Variants in KIAA0586 observed in about 807,000 individuals in gnomAD.
The protein encoded by KIAA0586 is protein TALPID3.
In KIAA0586, 144 loss-of-function variants were observed where a neutral mutation model predicts 169.8. The ratio of observed to expected loss-of-function variants is 0.85; its 90% CI spans 0.74 to 0.97. The LOEUF (loss-of-function observed/expected upper bound fraction) is 0.97. Among genes scored for constraint, KIAA0586 ranks in the 50% least tolerant of loss-of-function variants. The pLI is 0.00. For synonymous variants in KIAA0586, 625 were observed against 612.4 expected (o/e 1.02, Z -0.30); for missense variants, 1,854 against 1,823.0 (o/e 1.02, Z -0.31).
At position 58,547,928 on chromosome 14, in the gene KIAA0586, T is replaced by G. The variant is rs763756293; in HGVS notation, c.4643T>G (p.Phe1548Cys). The G allele has an allele frequency of 6.2e-7, 1 of 1,613,320 alleles. No homozygotes were observed. The highest frequency in any genetic ancestry group is 8.5e-7 in the Non-Finnish European group (1 of 1,179,628). ...ATGGAGTCTTCGGGGGCAGATACCT[T>G]CTGAACGGGAAGAGACAGCCAGCAC... Reference protein sequence around the residue: ...EDMESSGADTF With the variant: ...EDMESSGADTC Residue 1548 changes from phenylalanine to cysteine, a missense_variant, in exon 31 of 31, where the codon TTC (phenylalanine) becomes TGC (cysteine). Transcript: ENST00000652326.
In KIAA0586 at chr14:58,467,630, G is replaced by T; in HGVS notation, c.2255-105G>T. Reference sequence around the variant, plus strand: ...GAGGGAGGGGTGATTGTCAGATAGGGCTTTTTTAAATATGAGAATATAGCC... The same window carrying T: ...GAGGGAGGGGTGATTGTCAGATAGGTCTTTTTTAAATATGAGAATATAGCC... On this transcript the variant is annotated intron_variant, in intron 15 of 30. Transcript: ENST00000652326. The T allele has an allele frequency of 5.0e-6, 4 of 802,412 alleles. No individual in the cohort carries two copies. The South Asian group carries it at 8.0e-5, about 16-fold the overall frequency. 49.7% of individuals were successfully genotyped at this position (802,412 alleles called of 1,614,324 possible).
chr14:58,487,846 GACT>G (rs1427905519), intron 22 of KIAA0586, 38 bp from the exon 23 acceptor site: 19 of 1,377,626 alleles, frequency 1.4e-5, no homozygotes, highest in Admixed American at 8.1e-5. Flanking sequence ...GTTCTTTACT[GACT>G]ACTATCTTTT....
intron 25 of KIAA0586, among the ~76,000 whole-genome samples, chr14:58,490,693 T>A (rs1260553352): frequency 6.6e-6 from 1 of 152,090 alleles, no homozygotes; most frequent in African/African-American, 2.4e-5. Flanking sequence ...CCCTTTCTAG[T>A]TTTTATCTAG....
intron 8 of KIAA0586, among the ~76,000 whole-genome samples, chr14:58,451,465 G>A (rs1044132840): frequency 1.1e-4 from 16 of 151,796 alleles, no homozygotes; most frequent in Non-Finnish European, 1.5e-4. Context: ...GGGCTCAAGC[G>A]ATCTGCCCGC....
intron 7 of KIAA0586, among the ~76,000 whole-genome samples, 176 bp downstream of exon 7, chr14:58,448,669 T>G (rs1443551056): frequency 6.6e-6 from 1 of 152,166 alleles, no homozygotes; most frequent in Non-Finnish European, 1.5e-5. Context: ...AAAATTGTGT[T>G]TCTCAGGCTA....
At chr14:58,484,282 T>A (rs1402194497) in intron 21 of KIAA0586, among the ~76,000 whole-genome samples, 2 of 152,216 alleles carry the variant, frequency 1.3e-5, no homozygotes, top group Non-Finnish European at 2.9e-5. Flanking sequence ...TCATTCTTTA[T>A]CTTCAGAAGT....
chr14:58,429,484 C>A, intron 2 of KIAA0586, 51 bp downstream of exon 2: 1 of 949,464 alleles, frequency 1.1e-6, no homozygotes, highest in South Asian at 1.3e-5. Context: ...TCAGTATTGT[C>A]AAATAATGCA....
In KIAA0586 at chr14:58,461,266, G is replaced by A. The variant is rs1743719; in HGVS notation, c.2059+106G>A. 1 allele frequency: 696,732 copies of A among 699,728 alleles called. 346,945 individuals are homozygous for A. The highest frequency in any genetic ancestry group is 1 in the East Asian group (31,008 of 31,008). The allele number at this position is 699,728 out of a possible 1,614,324, so 43.3% of individuals were successfully genotyped here. A position where few individuals can be genotyped will look rare whatever the true frequency, so the allele number is the denominator to read the frequency against. ...TTTATTGCTTATACGTGCCATTCAA[G>A]TTATATGATGCTTGGGGATGGAAAA... On this transcript the variant is annotated intron_variant, in intron 14 of 30. Coordinates refer to ENST00000652326, the MANE Select transcript of KIAA0586 (RefSeq NM_001329943.3).
chr14:58,489,883 T>A (rs1204998015), intron 24 of KIAA0586, among the ~76,000 whole-genome samples: 2 of 152,164 alleles, frequency 1.3e-5, no homozygotes, highest in African/African-American at 4.8e-5. Flanking sequence ...ATCAACAGTA[T>A]ATGAGAATAC....
intron 4 of KIAA0586, among the ~76,000 whole-genome samples, chr14:58,432,795 G>A (rs2037488035): frequency 6.6e-6 from 1 of 152,144 alleles, no homozygotes; most frequent in Admixed American, 6.6e-5. Flanking sequence ...TCGGCTCACT[G>A]CAACCTCTGC....
In KIAA0586 at chr14:58,442,830, G is replaced by A. The variant is rs750489101; in HGVS notation, c.535G>A (p.Val179Met). The change falls in exon 5 of 31, where the codon GTG becomes ATG. Residue 179 changes from valine (V) to methionine (M), a missense_variant. Transcript: ENST00000652326. Reference protein sequence around the residue: ...SPSGIDSATTVAAATAAAIAT... With the variant: ...SPSGIDSATTMAAATAAAIAT... Reference sequence around the variant, plus strand: ...CAGTGGAATTGATTCAGCTACAACCGTGGCTGCAGCAACTGCTGCTGCCAT... The same window carrying A: ...CAGTGGAATTGATTCAGCTACAACCATGGCTGCAGCAACTGCTGCTGCCAT... The A allele has an allele frequency of 5.0e-6, 8 of 1,610,544 alleles. No homozygotes were observed. Among genetic ancestry groups the A allele is most frequent in the South Asian group, 1.1e-5 (1 of 90,352 alleles).
rs549161789 is a variant in KIAA0586 at position 58,505,536 on chromosome 14, T to C, written c.4169-3019T>C. ...GTATCTTTAGTTTAGAAATAGATAA[T>C]GCCAAGTTGCTTTCTTGAAAGTTTA... On this transcript the variant is annotated intron_variant, in intron 27 of 30. Coordinates refer to ENST00000652326, the MANE Select transcript of KIAA0586 (RefSeq NM_001329943.3). 9.8e-5 allele frequency among the ~76,000 whole-genome samples: 15 copies of C among 152,342 alleles called. 1 individual carries two copies. In the South Asian group the frequency reaches 2.9e-3, roughly 29 times the overall value.
chr14:58,427,652 G>A (rs2036930238), upstream of KIAA0586: 9 of 1,535,654 alleles, frequency 5.9e-6, no homozygotes, highest in Admixed American at 3.9e-5. Flanking sequence ...GTTTCTTGGC[G>A]CGCATGCGTG....
the KIAA0586 span, among the ~76,000 whole-genome samples, chr14:58,559,053 G>A: frequency 1.3e-5 from 2 of 152,182 alleles, no homozygotes; most frequent in Non-Finnish European, 2.9e-5. Flanking sequence ...TATTCAAGTT[G>A]TTTACCAAGC....
chr14:58,526,469 G>A lies in KIAA0586; in HGVS notation c.4430-13602G>A, dbSNP rs527341759. Among the ~76,000 whole-genome samples the A allele has an allele frequency of 1.9e-4, 29 of 152,266 alleles. 2 individuals carry two copies. In the South Asian group the frequency reaches 4.3e-3, roughly 23 times the overall value. ...TCCAGCAGACCTGCAGCAGAGGGGC[G>A]TGAATGGTAGAAGGAAAACTAACAG... On this transcript the variant is annotated intron_variant, in intron 29 of 30. Transcript: ENST00000652326.
In KIAA0586 at chr14:58,448,493, G is replaced by A; in HGVS notation, c.961G>A (p.Ala321Thr). 6.3e-7 allele frequency: 1 copy of A among 1,597,538 alleles called. No individual in the cohort carries two copies. The highest frequency in any genetic ancestry group is 2.2e-5 in the East Asian group (1 of 44,562). Residue 321 changes from alanine (A) to threonine (T), a missense_variant and splice_region_variant, in exon 7 of 31, where the codon GCA becomes ACA. By Grantham distance (58) the Ala-to-Thr change is moderately conservative. Coordinates refer to ENST00000652326, the MANE Select transcript of KIAA0586 (RefSeq NM_001329943.3). ...ATATAACACATTTGCTTCCAAACAA[G>A]GTAAAAATATGTAGTTCTCTATGAA... ...SLYNTFASKQAPLKEVEDTSF... is the reference protein window; with the variant it reads ...SLYNTFASKQTPLKEVEDTSF...
chr14:58,475,280 G>A (rs888592977), intron 19 of KIAA0586, among the ~76,000 whole-genome samples: 2 of 152,166 alleles, frequency 1.3e-5, no homozygotes, highest in African/African-American at 4.8e-5. Context: ...AAACCCTATT[G>A]TAAACTGTGC....
chr14:58,507,173 A>ATT (rs2044022377), intron 27 of KIAA0586, among the ~76,000 whole-genome samples: 1 of 145,166 alleles, frequency 6.9e-6, no homozygotes, highest in African/African-American at 2.5e-5. Flanking sequence ...GTGTATATAT[A>ATT]TATATGTGTA....
chr14:58,434,062 G>A (rs961940524), intron 4 of KIAA0586, among the ~76,000 whole-genome samples: 1 of 152,086 alleles, frequency 6.6e-6, no homozygotes, highest in Non-Finnish European at 1.5e-5. Flanking sequence ...AGCAGGGAAA[G>A]CAGAAGAAAT....
Sources: allele counts gnomAD v4.1 joint callset (sites outside exome capture counted in the v4.1 genomes callset), GRCh38; gene constraint gnomAD v4.1.1; transcripts MANE v1.5; gene names NCBI Gene and HGNC (gene_info 2026-07-23, HGNC 2026-07-21).